The following CDK14 variants were observed in gnomAD, a reference collection of about 807,000 sequenced individuals.
CDK14 encodes the protein cyclin dependent kinase 14.
Under a neutral mutation model 60.7 loss-of-function variants are expected in CDK14, and 34 were observed. The observed-to-expected ratio is 0.56, with a 90% CI of 0.43 to 0.75. The LOEUF is 0.75. Among genes scored for constraint, CDK14 ranks in the 30% least tolerant of loss-of-function variants. The pLI is 0.00. For synonymous variants in CDK14, 197 were observed against 203.7 expected (o/e 0.97, Z 0.28); for missense variants, 482 against 564.1 (o/e 0.85, Z 1.47).
At chr7:90,784,072 T>A (rs1011838218) in intron 4 of CDK14, among the ~76,000 whole-genome samples, 3 of 152,182 alleles carry the variant, frequency 2.0e-5, no homozygotes, top group Non-Finnish European at 4.4e-5. Context: ...TGATAGATAG[T>A]ACACAATAGA....
Position 90,958,153 on chromosome 7 carries a change from T to C in CDK14, c.947+2336T>C, listed in dbSNP as rs559814232. ...GAGGCCTGGCTTCTTTCCTGATGTT[T>C]TTGATCCAAAAACGTTATGGTGAGA... On this transcript the variant is annotated intron_variant, in intron 9 of 14. Coordinates refer to ENST00000380050, the MANE Select transcript of CDK14 (RefSeq NM_001287135.2). Among the ~76,000 whole-genome samples, 33 of 152,276 alleles carry C rather than the reference T, an allele frequency of 2.2e-4. No homozygotes were observed. The South Asian group carries it at 5.6e-3, about 26-fold the overall frequency.
chr7:90,624,131 G>A (rs1038383766), intron 2 of CDK14, among the ~76,000 whole-genome samples: 1 of 152,164 alleles, frequency 6.6e-6, no homozygotes, highest in African/African-American at 2.4e-5. Flanking sequence ...TTGTACTCAG[G>A]GAAGGTAAGT....
At chr7:90,832,603 A>AT (rs1453994428) in intron 5 of CDK14, among the ~76,000 whole-genome samples, 1 of 152,170 alleles carries the variant, frequency 6.6e-6, no homozygotes, top group Non-Finnish European at 1.5e-5. Context: ...ATAAGTTTGA[A>AT]TTTTTAAAAG....
chr7:90,672,502 GTTTTTTTTTTTTT>G (rs201978996), intron 2 of CDK14, among the ~76,000 whole-genome samples: 37 of 49,996 alleles, frequency 7.4e-4, no homozygotes, highest in African/African-American at 1.3e-3. Context: ...TTCTTCTTCT[GTTTTTTTTTTTTT>G]TTTTTTTTTT....
chr7:90,772,564 A>T (rs1170897185), intron 4 of CDK14, among the ~76,000 whole-genome samples: 1 of 152,082 alleles, frequency 6.6e-6, no homozygotes, highest in Non-Finnish European at 1.5e-5. Flanking sequence ...TTGTTTTGAA[A>T]GTGAGTAGCA....
chr7:90,723,615 C>T (rs1232301554), intron 2 of CDK14, among the ~76,000 whole-genome samples: 1 of 152,156 alleles, frequency 6.6e-6, no homozygotes, highest in Non-Finnish European at 1.5e-5. Flanking sequence ...TTATGGGATA[C>T]AAGTCAACAA....
intron 9 of CDK14, among the ~76,000 whole-genome samples, chr7:90,980,417 AT>A (rs1009311022): frequency 3.9e-5 from 6 of 151,972 alleles, no homozygotes; most frequent in African/African-American, 1.4e-4. Flanking sequence ...AAGCAGATGA[AT>A]TTTTTTTCTC....
intron 1 of CDK14, among the ~76,000 whole-genome samples, chr7:90,600,827 C>T (rs942483252): frequency 3.3e-5 from 5 of 152,184 alleles, no homozygotes; most frequent in African/African-American, 1.2e-4. Flanking sequence ...AAGTGTGTCT[C>T]AAAAGATACT....
At chr7:90,771,970 A>G (rs1193146326) in intron 4 of CDK14, among the ~76,000 whole-genome samples, 1 of 152,234 alleles carries the variant, frequency 6.6e-6, no homozygotes, top group African/African-American at 2.4e-5. Flanking sequence ...TGATTGGAAA[A>G]TGTTTTGGAA....
At chr7:90,835,486 A>G (rs1420881966) in intron 5 of CDK14, among the ~76,000 whole-genome samples, 8 of 152,190 alleles carry the variant, frequency 5.3e-5, no homozygotes, top group Admixed American at 2.0e-4. Flanking sequence ...ATGCCAGGCT[A>G]TGAATACAAA....
At chr7:90,958,628 A>G (rs967491664) in intron 9 of CDK14, among the ~76,000 whole-genome samples, 1 of 152,128 alleles carries the variant, frequency 6.6e-6, no homozygotes, top group Admixed American at 6.6e-5. Flanking sequence ...GTTGAAAATA[A>G]AGGCCAATGA....
intron 3 of CDK14, 82 bp from the exon 4 acceptor site, chr7:90,747,599 G>T: frequency 1.3e-6 from 1 of 751,620 alleles, no homozygotes. Context: ...CAGAGAATCT[G>T]TACATTTTTA....
chr7:91,176,055 G>T (rs1163888464), intron 14 of CDK14, among the ~76,000 whole-genome samples: 95 of 152,006 alleles, frequency 6.2e-4, no homozygotes, highest in Admixed American at 2.2e-3. Flanking sequence ...CCACATACTT[G>T]GAAGTAAAGC....
intron 10 of CDK14, among the ~76,000 whole-genome samples, chr7:91,035,525 C>T (rs777352053): frequency 4.6e-5 from 7 of 152,060 alleles, no homozygotes; most frequent in Admixed American, 2.0e-4. Context: ...ATTTTTTTCT[C>T]AACAGCATTT....
chr7:90,636,991 C>G (rs936209532), intron 2 of CDK14, among the ~76,000 whole-genome samples: 2 of 151,700 alleles, frequency 1.3e-5, no homozygotes, highest in Admixed American at 1.3e-4. Flanking sequence ...TCCCCTTTAT[C>G]ATTTTTTATT....
At chr7:90,619,410 C>T (rs1799720981) in intron 2 of CDK14, among the ~76,000 whole-genome samples, 1 of 152,076 alleles carries the variant, frequency 6.6e-6, no homozygotes, top group Non-Finnish European at 1.5e-5. Flanking sequence ...AATCTCTTTC[C>T]AGTGTTCCAT....
At chr7:90,617,292 A>G (rs1054539890) in intron 2 of CDK14, among the ~76,000 whole-genome samples, 1 of 152,070 alleles carries the variant, frequency 6.6e-6, no homozygotes, top group African/African-American at 2.4e-5. Flanking sequence ...TTAATCTAGT[A>G]TTCTAACCTA....
intron 10 of CDK14, among the ~76,000 whole-genome samples, chr7:90,984,774 C>T (rs1295497225): frequency 6.6e-6 from 1 of 152,170 alleles, no homozygotes; most frequent in African/African-American, 2.4e-5. Flanking sequence ...GGCACCTCAC[C>T]TCTGTGGTCT....
At chr7:90,729,939 T>C (rs988546469) in intron 3 of CDK14, among the ~76,000 whole-genome samples, 2 of 152,160 alleles carry the variant, frequency 1.3e-5, no homozygotes, top group African/African-American at 4.8e-5. Context: ...GTTTGTTACA[T>C]AGGTATACAC....
Sources: gnomAD v4.1 joint callset for allele counts (sites outside exome capture counted in the v4.1 genomes callset) on GRCh38, gnomAD v4.1.1 for gene constraint, MANE v1.5 for transcripts, NCBI Gene and HGNC (gene_info 2026-07-23, HGNC 2026-07-21) for gene names.